The following NPAT variants were observed in gnomAD, a reference collection of about 807,000 sequenced individuals.
The protein encoded by NPAT is protein NPAT.
A neutral mutation model predicts 130.7 loss-of-function variants in NPAT; 52 were observed. The observed-to-expected ratio is 0.40, with a 90% CI of 0.32 to 0.50. The LOEUF (loss-of-function observed/expected upper bound fraction) is 0.50, where lower values mean the gene tolerates loss of function less well. Among genes scored for constraint, NPAT ranks in the 20% least tolerant of loss-of-function variants. NPAT has a pLI of 0.68. For missense variants in NPAT, 1,687 were observed against 1,662.6 expected, an observed-to-expected ratio of 1.01 and a Z score of -0.26; for synonymous variants, 580 against 584.8, an observed-to-expected ratio of 0.99 and a Z score of 0.12.
chr11:108,215,721 G>A (rs879051679), intron 1 of NPAT, among the ~76,000 whole-genome samples: 1 of 152,186 alleles, frequency 6.6e-6, no homozygotes, highest in African/African-American at 2.4e-5. Flanking sequence ...TGCCCTAGCT[G>A]TGATTTGGGA....
intron 1 of NPAT, among the ~76,000 whole-genome samples, chr11:108,215,219 A>G (rs1423582268): frequency 2.0e-5 from 3 of 152,220 alleles, no homozygotes; most frequent in East Asian, 1.9e-4. Flanking sequence ...CTTAATACTT[A>G]TAAGTATTCC....
intron 10 of NPAT, among the ~76,000 whole-genome samples, chr11:108,180,127 G>C (rs555517821): frequency 3.7e-4 from 56 of 152,234 alleles, no homozygotes; most frequent in African/African-American, 1.3e-3. Context: ...AGGAGTTCTA[G>C]ATCAGCCTGG....
At position 108,161,260 on chromosome 11, in the gene NPAT, C is replaced by T. The variant is rs769467666; in HGVS notation, c.3826G>A (p.Gly1276Arg). Residue 1276 changes from glycine (G) to arginine (R), a missense_variant, in exon 17 of 18, where the codon GGG becomes AGG. Physicochemically the swap from Gly to Arg is moderately radical, Grantham distance 125. This residue lies in a region of NPAT where 1,379 missense variants were observed against 1,346.6 expected (regional missense o/e 1.02). Coordinates refer to ENST00000278612, the MANE Select transcript of NPAT (RefSeq NM_002519.3). ...ATAGGTTCTTCTTTATGTTTTTCCC[C>T]TGCCCCTGAGCCAGGTGTCCGGGGC... ...PVPRTPGSGA[G>R]EKHKEEPIDI... is the part of the protein sequence containing the mutation. The T allele has an allele frequency of 6.2e-7, 1 of 1,614,098 alleles. No individual in the cohort carries two copies.
intron 1 of NPAT, among the ~76,000 whole-genome samples, chr11:108,219,543 AG>A (rs2078464650): frequency 6.6e-6 from 1 of 152,248 alleles, no homozygotes; most frequent in African/African-American, 2.4e-5. Context: ...AAACCTTCAC[AG>A]ATGATAGTTT....
chr11:108,185,267 G>C lies in NPAT; in HGVS notation c.871C>G (p.Pro291Ala). ...PKQTDNNPTE[P>A]ETSIDEFLGL... ...AGGAATTCATCAATTGAAGTCTCTG[G>C]CTCCGTAGGGTTGTTATCTGTTTGC... Residue 291 changes from proline (P) to alanine (A), a missense_variant, in exon 10 of 18, where the codon CCA becomes GCA. Coordinates refer to ENST00000278612, the MANE Select transcript of NPAT (RefSeq NM_002519.3). 6.2e-7 allele frequency: 1 copy of C among 1,612,376 alleles called. No individual in the cohort carries two copies. Among genetic ancestry groups the C allele is most frequent in the East Asian group, 2.2e-5 (1 of 44,844 alleles).
At chr11:108,195,734 C>G (rs982780647) in intron 2 of NPAT, among the ~76,000 whole-genome samples, 1 of 152,112 alleles carries the variant, frequency 6.6e-6, no homozygotes, top group Non-Finnish European at 1.5e-5. Context: ...CTCATGCAAT[C>G]CTCCAGCCTC....
In NPAT at chr11:108,158,403, T is replaced by C. The variant is rs1439002405; in HGVS notation, c.*539A>G. 6.5e-6 allele frequency: 1 copy of C among 153,098 alleles called. No individual in the cohort carries two copies. The highest frequency in any genetic ancestry group is 1.5e-5 in the Non-Finnish European group (1 of 68,612). 9.5% of individuals were successfully genotyped at this position (153,098 alleles called of 1,614,324 possible). A position where few individuals can be genotyped will look rare whatever the true frequency, so the allele number is the denominator to read the frequency against. On this transcript the variant is annotated 3_prime_UTR_variant, in exon 18 of 18. Coordinates refer to ENST00000278612, the MANE Select transcript of NPAT (RefSeq NM_002519.3). ...GTAGTATTCACTCTAGGAAAAAAAC[T>C]CATCAAACTGTTGATTTCTAATTAG...
At chr11:108,190,139 A>G (rs1188383311) in intron 5 of NPAT, among the ~76,000 whole-genome samples, 1 of 151,264 alleles carries the variant, frequency 6.6e-6, no homozygotes, top group South Asian at 2.1e-4. Context: ...GCAAAACCCC[A>G]TCTCTACTAA....
Position 108,161,192 on chromosome 11 carries a change from G to C in NPAT, c.3894C>G (p.Asp1298Glu). ...GGACCATTACTTTTGATGTACTACT[G>C]TCTTCACTGAAACGCCTACTAGAGG... is the stretch of plus-strand genomic sequence containing the variant. ...KAPSSRRFSE[D>E]SSTSKVMVPP... is the part of the protein sequence containing the mutation. Residue 1298 changes from aspartate to glutamate, a missense_variant, in exon 17 of 18, where the codon GAC (aspartate) becomes GAG (glutamate). This residue lies in a region of NPAT where 1,379 missense variants were observed against 1,346.6 expected (regional missense o/e 1.02). Coordinates refer to ENST00000278612, the MANE Select transcript of NPAT (RefSeq NM_002519.3). The C allele has an allele frequency of 6.2e-7, 1 of 1,614,096 alleles. No homozygotes were observed. The highest frequency in any genetic ancestry group is 8.5e-7 in the Non-Finnish European group (1 of 1,180,000).
chr11:108,205,813 C>T (rs1174467910), intron 1 of NPAT, among the ~76,000 whole-genome samples: 2 of 152,010 alleles, frequency 1.3e-5, no homozygotes, highest in Non-Finnish European at 1.5e-5. Context: ...GAGGTTTAGA[C>T]GGGTGGATCA....
intron 3 of NPAT, among the ~76,000 whole-genome samples, chr11:108,193,339 T>A (rs150381390): frequency 2.6e-5 from 4 of 152,064 alleles, no homozygotes; most frequent in African/African-American, 9.6e-5. Flanking sequence ...AACACAGAGG[T>A]AAGAGTTTTA....
Position 108,208,592 on chromosome 11 carries a change from A to T in NPAT, c.38-11172T>A, listed in dbSNP as rs766734315. On this transcript the variant is annotated intron_variant, in intron 1 of 17. Coordinates refer to ENST00000278612, the MANE Select transcript of NPAT (RefSeq NM_002519.3). Reference sequence around the variant, plus strand: ...AACAGGGTGAGACCCTGTCTTTAAAAAAAAAAAAAGAGAGAGAGAGAAATA... The same window carrying T: ...AACAGGGTGAGACCCTGTCTTTAAATAAAAAAAAAGAGAGAGAGAGAAATA... 796 of 346,834 alleles carry T rather than the reference A, an allele frequency of 2.3e-3. 4 individuals carry two copies. Among genetic ancestry groups the T allele is most frequent in the Non-Finnish European group, 2.9e-3 (505 of 175,690 alleles). 21.5% of individuals were successfully genotyped at this position (346,834 alleles called of 1,614,324 possible).
In NPAT at chr11:108,192,970, A is replaced by G. The variant is rs2078185540; in HGVS notation, c.218-780T>C. 2.6e-5 allele frequency among the ~76,000 whole-genome samples: 4 copies of G among 152,110 alleles called. No homozygotes were observed. In the South Asian group the frequency reaches 6.2e-4, roughly 24 times the overall value. On this transcript the variant is annotated intron_variant, in intron 3 of 17. Coordinates refer to ENST00000278612, the MANE Select transcript of NPAT (RefSeq NM_002519.3). ...CTCCCGTCTCAAAAAAAAAACAAAC[A>G]AAGAAAAGACTAAATGAGAAAAAAA...
chr11:108,177,796 C>T (rs1281632317), intron 10 of NPAT, among the ~76,000 whole-genome samples: 1 of 152,130 alleles, frequency 6.6e-6, no homozygotes, highest in Non-Finnish European at 1.5e-5. Flanking sequence ...TCACAGTTCA[C>T]TGCAGCCTTG....
chr11:108,170,180 CA>C, intron 13 of NPAT, 137 bp from the exon 14 acceptor site: 1 of 482,212 alleles, frequency 2.1e-6, no homozygotes, highest in Non-Finnish European at 3.9e-6. Flanking sequence ...ATCCACTCTC[CA>C]AAAACAAAAC....
intron 1 of NPAT, among the ~76,000 whole-genome samples, chr11:108,220,251 G>A (rs989980961): frequency 6.6e-6 from 1 of 152,166 alleles, no homozygotes. Context: ...AGATGCAAAA[G>A]TCAGAGTGCA....
In NPAT at chr11:108,161,880, G is replaced by C. The variant is rs372365093; in HGVS notation, c.3206C>G (p.Thr1069Ser). The C allele has an allele frequency of 1.2e-6, 2 of 1,614,120 alleles. No homozygotes were observed. The highest frequency in any genetic ancestry group is 1.1e-5 in the South Asian group (1 of 91,080). Residue 1069 changes from threonine to serine, a missense_variant, in exon 17 of 18, where the codon ACT becomes AGT. By Grantham distance (58) the Thr-to-Ser change is moderately conservative (BLOSUM62 1). Coordinates refer to ENST00000278612, the MANE Select transcript of NPAT (RefSeq NM_002519.3). The part of the protein sequence containing the change: ...CHRRVLCFDS[T>S]TAPVANTQGP... ...CTGCGTATTTGCCACAGGAGCAGTA[G>C]TGCTGTCGAAACAGAGTACACGTCT...
chr11:108,204,892 A>C (rs2078310997), intron 1 of NPAT, among the ~76,000 whole-genome samples: 1 of 152,250 alleles, frequency 6.6e-6, no homozygotes, highest in African/African-American at 2.4e-5. Context: ...TTTTACCAAC[A>C]AAAGCATAAT....
chr11:108,187,205 A>G (rs1401584281), intron 7 of NPAT, among the ~76,000 whole-genome samples: 1 of 152,166 alleles, frequency 6.6e-6, no homozygotes, highest in Non-Finnish European at 1.5e-5. Flanking sequence ...AATCCCAGCA[A>G]TTTTGGAGGC....
Sources: allele counts gnomAD v4.1 joint callset (sites outside exome capture counted in the v4.1 genomes callset), GRCh38; gene constraint gnomAD v4.1.1; regional missense constraint gnomAD v4.1.1; transcripts MANE v1.5; gene names NCBI Gene and HGNC (gene_info 2026-07-23, HGNC 2026-07-21).